BCL2L13: variants seen among roughly 807,000 people sequenced by gnomAD.
The protein encoded by BCL2L13 is bcl-2-like protein 13.
BCL2L13 carries 13 observed loss-of-function variants against 25.8 expected under a neutral mutation model. The ratio of observed to expected loss-of-function variants is 0.50; its 90% CI spans 0.33 to 0.80. The LOEUF (loss-of-function observed/expected upper bound fraction) is 0.80, where lower values mean the gene tolerates loss of function less well. Among genes scored for constraint, BCL2L13 ranks in the 30% least tolerant of loss-of-function variants. The probability of loss-of-function intolerance (pLI) is 0.02; values close to 1 mark genes in which losing one functional copy is unlikely to be tolerated. For missense variants in BCL2L13, 504 were observed against 574.9 expected (o/e 0.88, Z 1.26); for synonymous variants, 244 against 230.3 (o/e 1.06, Z -0.54).
upstream of BCL2L13, among the ~76,000 whole-genome samples, chr22:17,636,057 C>A (rs1046863850): frequency 6.7e-6 from 1 of 149,280 alleles, no homozygotes; most frequent in African/African-American, 2.6e-5. Context: ...GGGGCGGTGG[C>A]TCACGCCTGT....
At chr22:17,667,142 T>C (rs990609639) in intron 2 of BCL2L13, among the ~76,000 whole-genome samples, 3 of 152,150 alleles carry the variant, frequency 2.0e-5, no homozygotes, top group Non-Finnish European at 4.4e-5. Flanking sequence ...TTTTTTTGGG[T>C]ATATACCTAG....
intron 4 of BCL2L13, among the ~76,000 whole-genome samples, chr22:17,689,544 C>G (rs575614962): frequency 7.2e-5 from 11 of 152,196 alleles, no homozygotes; most frequent in African/African-American, 2.4e-4. Context: ...TTTTAGAATT[C>G]TGTATTTAAC....
chr22:17,683,568 G>A (rs1417095740), intron 3 of BCL2L13, among the ~76,000 whole-genome samples: 5 of 152,134 alleles, frequency 3.3e-5, no homozygotes, highest in East Asian at 3.9e-4. Context: ...GTTAAGTATC[G>A]GATAAATGAT....
At chr22:17,694,136 A>G (rs1374055263) in intron 4 of BCL2L13, among the ~76,000 whole-genome samples, 1 of 152,094 alleles carries the variant, frequency 6.6e-6, no homozygotes, top group Non-Finnish European at 1.5e-5. Flanking sequence ...TTTTTAATTA[A>G]TAGATTTTTT....
rs553297728 is a variant in BCL2L13, at chr22:17,668,830, A to G, written c.121+12998A>G. ...GGGATTCAGATAAGTTCTTCTGCAT[A>G]GTACTGTGGTTTCAGTGTCCCCTCA... On this transcript the variant is annotated intron_variant, in intron 2 of 6. Transcript: ENST00000317582. Among the ~76,000 whole-genome samples, 141 of 152,246 alleles carry G rather than the reference A, an allele frequency of 9.3e-4. 1 individual carries two copies. The highest frequency in any genetic ancestry group is 1.7e-3 in the Non-Finnish European group (119 of 68,030).
chr22:17,726,481 A>T (rs1475592543), intron 6 of BCL2L13, among the ~76,000 whole-genome samples, 196 bp from the exon 7 acceptor site: 2 of 151,970 alleles, frequency 1.3e-5, no homozygotes, highest in South Asian at 4.1e-4. Context: ...TTTCAAGGAG[A>T]CTGCTCAGAA....
intron 1 of BCL2L13, among the ~76,000 whole-genome samples, chr22:17,652,793 G>A (rs973158677): frequency 9.2e-5 from 14 of 152,102 alleles, no homozygotes; most frequent in African/African-American, 3.1e-4. Context: ...GGCCAGGCGC[G>A]GTGGCTCAAG....
chr22:17,714,755 GTCTT>G (rs897199200), intron 6 of BCL2L13, among the ~76,000 whole-genome samples: 1 of 152,130 alleles, frequency 6.6e-6, no homozygotes, highest in Non-Finnish European at 1.5e-5. Context: ...TCCACTGAGT[GTCTT>G]TCTTCTTTGT....
intron 6 of BCL2L13, among the ~76,000 whole-genome samples, chr22:17,709,162 GGAGGCA>G (rs765758706): frequency 3.2e-4 from 49 of 152,092 alleles, no homozygotes; most frequent in Non-Finnish European, 5.3e-4. Context: ...CGTGAACCCA[GGAGGCA>G]GAGGTTGCAG....
At chr22:17,686,526 T>TTC (rs2059944842) in intron 3 of BCL2L13, among the ~76,000 whole-genome samples, 9 of 151,082 alleles carry the variant, frequency 6.0e-5, no homozygotes. Context: ...TCTTTTTTTT[T>TTC]TTGAGACAGA....
intron 5 of BCL2L13, 62 bp downstream of exon 5, chr22:17,696,272 G>A: frequency 7.7e-7 from 1 of 1,301,326 alleles, no homozygotes; most frequent in South Asian, 1.2e-5. Context: ...AGACGTAGGA[G>A]GAATTGCTAG....
At chr22:17,696,050 AG>A in intron 4 of BCL2L13, 90 bp from the exon 5 acceptor site, 1 of 903,992 alleles carries the variant, frequency 1.1e-6, no homozygotes, top group Non-Finnish European at 1.8e-6. Context: ...TTTAGCAAAA[AG>A]TTCAACAGAG....
chr22:17,665,396 A>G (rs1344505534), intron 2 of BCL2L13, among the ~76,000 whole-genome samples: 1 of 151,880 alleles, frequency 6.6e-6, no homozygotes, highest in African/African-American at 2.4e-5. Context: ...ACTCTCCCAC[A>G]TTTTTCCTGT....
chr22:17,644,355 A>T lies in BCL2L13; in HGVS notation c.-51+5469A>T, dbSNP rs536040601. The stretch of plus-strand genomic sequence containing the variant: ...AATTCTTTTTTTTTTTTTTTGAGAC[A>T]GATTCTTGCTCTGTCACAAGGCTGA... On this transcript the variant is annotated intron_variant, in intron 1 of 6. Coordinates refer to ENST00000317582, the MANE Select transcript of BCL2L13 (RefSeq NM_015367.4). 1.9e-3 allele frequency among the ~76,000 whole-genome samples: 274 copies of T among 144,184 alleles called. 12 individuals carry two copies. The highest frequency in any genetic ancestry group is 6.8e-3 in the African/African-American group (261 of 38,290). The allele number at this position is 144,184 out of a possible 152,430, so 94.6% of individuals were successfully genotyped here. A position where few individuals can be genotyped will look rare whatever the true frequency, so the allele number is the denominator to read the frequency against.
intron 6 of BCL2L13, among the ~76,000 whole-genome samples, chr22:17,712,667 A>G (rs1453900529): frequency 1.3e-5 from 2 of 152,218 alleles, no homozygotes; most frequent in Admixed American, 1.3e-4. Flanking sequence ...CATTCGGATT[A>G]TGTTCTGGCA....
At chr22:17,677,014 G>A (rs570649419) in intron 2 of BCL2L13, among the ~76,000 whole-genome samples, 15 of 152,174 alleles carry the variant, frequency 9.9e-5, no homozygotes, top group Non-Finnish European at 1.6e-4. Flanking sequence ...CAAAGTATAT[G>A]CTATTGGTGA....
At chr22:17,701,887 G>A (rs2060445934) in intron 5 of BCL2L13, among the ~76,000 whole-genome samples, 1 of 143,386 alleles carries the variant, frequency 7.0e-6, no homozygotes, top group Non-Finnish European at 1.5e-5. Flanking sequence ...CTGTGCCACT[G>A]CCTGGATGAA....
At chr22:17,658,689 CTG>C (rs1254522512) in intron 2 of BCL2L13, among the ~76,000 whole-genome samples, 4 of 105,318 alleles carry the variant, frequency 3.8e-5, no homozygotes, top group East Asian at 2.8e-4. Context: ...GAGCAAGACT[CTG>C]TCACCAAAAA....
At chr22:17,645,792 C>G (rs1033308923) in intron 1 of BCL2L13, among the ~76,000 whole-genome samples, 6 of 151,406 alleles carry the variant, frequency 4.0e-5, no homozygotes, top group African/African-American at 1.5e-4. Flanking sequence ...GTCTAGGTTT[C>G]CTTAGGCTGT....
Sources: allele counts gnomAD v4.1 joint callset (sites outside exome capture counted in the v4.1 genomes callset), GRCh38; gene constraint gnomAD v4.1.1; transcripts MANE v1.5; gene names NCBI Gene and HGNC (gene_info 2026-07-23, HGNC 2026-07-21).